TENM2: variants seen among roughly 807,000 people sequenced by gnomAD.
TENM2 encodes the protein teneurin transmembrane protein 2, also known as teneurin-2.
A neutral mutation model predicts 245.2 loss-of-function variants in TENM2; 52 were observed. That is an observed-to-expected ratio of 0.21 (90% CI 0.17 to 0.27). The LOEUF (loss-of-function observed/expected upper bound fraction) is 0.27. TENM2 is among the 10% of genes least tolerant of loss of function. TENM2 has a pLI of 1.00. For synonymous variants in TENM2, 1,363 were observed against 1,438.9 expected (o/e 0.95, Z 1.19); for missense variants, 3,046 against 3,666.8 (o/e 0.83, Z 4.37).
chr5:167,186,920 T>G, the TENM2 span, among the ~76,000 whole-genome samples: 1 of 152,210 alleles, frequency 6.6e-6, no homozygotes, highest in African/African-American at 2.4e-5. Context: ...AAATCATGTT[T>G]GAACATTTCT....
At chr5:167,084,952 T>C in the TENM2 span, among the ~76,000 whole-genome samples, 37 of 152,164 alleles carry the variant, frequency 2.4e-4, no homozygotes, top group South Asian at 1.5e-3. Flanking sequence ...ATTAGGGCCC[T>C]AGTACATAAT....
Position 167,585,168 on chromosome 5 carries a change from A to T in TENM2, c.502+209695A>T, listed in dbSNP as rs186119248. Among the ~76,000 whole-genome samples, 42 of 152,122 alleles carry T rather than the reference A, an allele frequency of 2.8e-4. 2 individuals carry two copies. Among genetic ancestry groups the T allele is most frequent in the Admixed American group, 2.6e-3 (40 of 15,270 alleles). ...AGGGCATCATCCTTCTTCTCTCTCT[A>T]TTTTCCACCCTGAAGTAGATCCGGA... On this transcript the variant is annotated intron_variant, in intron 2 of 28. Transcript: ENST00000518659.
At chr5:167,535,437 G>T (rs1771786452) in intron 2 of TENM2, among the ~76,000 whole-genome samples, 1 of 152,068 alleles carries the variant, frequency 6.6e-6, no homozygotes, top group Admixed American at 6.6e-5. Context: ...GTGGCAAGGA[G>T]AAGACACAAA....
chr5:167,179,780 T>A, the TENM2 span, among the ~76,000 whole-genome samples: 1 of 152,126 alleles, frequency 6.6e-6, no homozygotes, highest in Admixed American at 6.6e-5. Context: ...AAGTTTCAGG[T>A]CCTTAGCCCC....
chr5:167,465,197 G>A (rs937647395), intron 2 of TENM2, among the ~76,000 whole-genome samples: 1 of 152,172 alleles, frequency 6.6e-6, no homozygotes, highest in Non-Finnish European at 1.5e-5. Context: ...CCAGAACTCT[G>A]ATTTGGTGAA....
At chr5:168,116,889 C>T (rs1189760391) in intron 9 of TENM2, among the ~76,000 whole-genome samples, 1 of 152,194 alleles carries the variant, frequency 6.6e-6, no homozygotes, top group Non-Finnish European at 1.5e-5. Flanking sequence ...TTCTCGGAAC[C>T]TGTGCATTCC....
At chr5:167,622,731 C>T (rs1464930374) in intron 2 of TENM2, among the ~76,000 whole-genome samples, 1 of 152,076 alleles carries the variant, frequency 6.6e-6, no homozygotes, top group Admixed American at 6.6e-5. Context: ...AAATGACAAA[C>T]ACGCAGCCAG....
intron 1 of TENM2, among the ~76,000 whole-genome samples, chr5:167,338,309 A>G (rs748324878): frequency 7.9e-5 from 12 of 152,136 alleles, no homozygotes; most frequent in Non-Finnish European, 1.6e-4. Flanking sequence ...GGCTTTATCA[A>G]CCCTAACAAT....
chr5:167,133,364 A>G, the TENM2 span, among the ~76,000 whole-genome samples: 17 of 152,198 alleles, frequency 1.1e-4, no homozygotes, highest in Non-Finnish European at 2.5e-4. Context: ...ACAGACAGGC[A>G]TTGCTCAGTC....
At chr5:167,470,456 T>TTTTTTTTTTTTTTTTTTTTTTTC (rs1766949101) in intron 2 of TENM2, among the ~76,000 whole-genome samples, 1 of 142,402 alleles carries the variant, frequency 7.0e-6, no homozygotes, top group Non-Finnish European at 1.5e-5. Flanking sequence ...AATGCTTGCT[T>TTTTTTTTTTTTTTTTTTTTTTTC]TTTTTTTTTT....
intron 2 of TENM2, among the ~76,000 whole-genome samples, chr5:167,761,962 C>A (rs1245593542): frequency 6.6e-6 from 1 of 152,172 alleles, no homozygotes. Flanking sequence ...AAGCTTCAAC[C>A]AACGAGCTAG....
chr5:167,699,365 T>C (rs1757995290), intron 2 of TENM2, among the ~76,000 whole-genome samples: 1 of 151,982 alleles, frequency 6.6e-6, no homozygotes, highest in South Asian at 2.1e-4. Context: ...GGCCAGAGGT[T>C]TAGTGTCTAA....
At chr5:167,275,287 G>C in the TENM2 span, among the ~76,000 whole-genome samples, 1 of 152,004 alleles carries the variant, frequency 6.6e-6, no homozygotes, top group Non-Finnish European at 1.5e-5. Flanking sequence ...CTTAAGATTG[G>C]ATAGATTCAT....
chr5:168,130,239 G>C (rs969723852), intron 12 of TENM2: 1 of 152,166 alleles, frequency 6.6e-6, no homozygotes, highest in Non-Finnish European at 1.5e-5. Context: ...ATGTAGTAGA[G>C]ATTGCTAAAC....
In TENM2 at chr5:168,006,003, G is replaced by A. The variant is rs138236203; in HGVS notation, c.1186+12821G>A. On this transcript the variant is annotated intron_variant, in intron 5 of 28. Transcript: ENST00000518659. ...GCTAGAGAGAATTATAGTTTCCATC[G>A]GCTTCTACAGAACAAGGAAGAACCA... 1.2e-4 allele frequency among the ~76,000 whole-genome samples: 19 copies of A among 152,216 alleles called. No homozygotes were observed. In the East Asian group the frequency reaches 3.1e-3, roughly 25 times the overall value.
intron 3 of TENM2, among the ~76,000 whole-genome samples, chr5:167,893,813 G>A (rs1293622828): frequency 6.6e-6 from 1 of 152,130 alleles, no homozygotes; most frequent in Admixed American, 6.5e-5. Context: ...GAGGAACTAA[G>A]TTTGGTGTGT....
chr5:167,789,036 G>A (rs1014115687), intron 2 of TENM2, among the ~76,000 whole-genome samples: 2 of 152,034 alleles, frequency 1.3e-5, no homozygotes, highest in South Asian at 4.1e-4. Flanking sequence ...ACGAATCTAC[G>A]GGCATCTTGA....
At chr5:167,770,332 G>A (rs763081158) in intron 2 of TENM2, among the ~76,000 whole-genome samples, 14 of 152,106 alleles carry the variant, frequency 9.2e-5, no homozygotes, top group Non-Finnish European at 2.9e-5. Flanking sequence ...TAGACAGGTG[G>A]CAAGTTAGAC....
chr5:167,874,943 A>G (rs921760557), intron 2 of TENM2, among the ~76,000 whole-genome samples: 5 of 152,236 alleles, frequency 3.3e-5, no homozygotes, highest in Non-Finnish European at 7.3e-5. Context: ...GGGTGGGGAC[A>G]TTGGCCAACT....
Sources: allele counts gnomAD v4.1 joint callset (sites outside exome capture counted in the v4.1 genomes callset), GRCh38; gene constraint gnomAD v4.1.1; transcripts MANE v1.5; gene names NCBI Gene and HGNC (gene_info 2026-07-23, HGNC 2026-07-21).